The following SPTAN1 variants were observed in gnomAD, a reference collection of about 807,000 sequenced individuals.
The protein encoded by SPTAN1 is spectrin alpha chain, non-erythrocytic 1.
In SPTAN1, 61 loss-of-function variants were observed where a neutral mutation model predicts 331.3. That is an observed-to-expected ratio of 0.18 (90% CI 0.15 to 0.23). SPTAN1 has a LOEUF of 0.23. Ranked by LOEUF, SPTAN1 falls within the 10% of genes least tolerant of loss-of-function variation. SPTAN1 has a pLI of 1.00. For missense variants in SPTAN1, 2,043 were observed against 3,147.9 expected (o/e 0.65, Z 8.40); for synonymous variants, 1,153 against 1,173.9 (o/e 0.98, Z 0.36).
Position 128,607,499 on chromosome 9 carries a change from A to G in SPTAN1, c.4047-105A>G, listed in dbSNP as rs898578443. ...TCATTCAGTAGATCAGATTAACCCAAGATAACTTTCTGAGGCAAGAATTAT... is the reference window on the plus strand; with the variant it reads ...TCATTCAGTAGATCAGATTAACCCAGGATAACTTTCTGAGGCAAGAATTAT... On this transcript the variant is annotated intron_variant, in intron 31 of 56. Transcript: ENST00000372739. 3.0e-6 allele frequency: 3 copies of G among 1,012,562 alleles called. No homozygotes were observed. The African/African-American group carries it at 4.7e-5, about 16-fold the overall frequency. The allele number at this position is 1,012,562 out of a possible 1,614,324, so 62.7% of individuals were successfully genotyped here.
At chr9:128,606,657 AT>A (rs146442842) in intron 31 of SPTAN1, among the ~76,000 whole-genome samples, 1 of 150,606 alleles carries the variant, frequency 6.6e-6, no homozygotes, top group African/African-American at 2.4e-5. Flanking sequence ...CTAATTTTGT[AT>A]TTTTTTTAGT....
rs367772623 is a variant in SPTAN1 at position 128,608,918 on chromosome 9, C to T, written c.4536C>T (p.Ile1512=). 501 of 1,614,204 alleles carry T rather than the reference C, an allele frequency of 3.1e-4. No homozygotes were observed. The highest frequency in any genetic ancestry group is 4.8e-4 in the Admixed American group (29 of 60,032). Residue 1512 remains isoleucine, a synonymous_variant, in exon 35 of 57, where the codon ATC becomes ATT. Coordinates refer to ENST00000372739, the MANE Select transcript of SPTAN1 (RefSeq NM_001130438.3). ...AALQAFADQL[I]AAGHYAKGDI... is the part of the protein sequence containing the mutation. ...TGCAGGCCTTTGCCGACCAGCTCAT[C>T]GCTGCCGGCCATTATGCCAAGGGAG...
chr9:128,609,977 A>G (rs918146153), intron 37 of SPTAN1, among the ~76,000 whole-genome samples: 3 of 152,180 alleles, frequency 2.0e-5, no homozygotes, highest in Admixed American at 2.0e-4. Context: ...CCTTTTGAAG[A>G]TGGAACATCA....
At chr9:128,579,217 C>T (rs1464534108) in intron 9 of SPTAN1, among the ~76,000 whole-genome samples, 5 of 151,650 alleles carry the variant, frequency 3.3e-5, no homozygotes, top group Non-Finnish European at 7.4e-5. Context: ...AAGCTGATTC[C>T]AAAACTGATT....
At chr9:128,569,354 C>T (rs1455617629) in intron 3 of SPTAN1, among the ~76,000 whole-genome samples, 1 of 151,890 alleles carries the variant, frequency 6.6e-6, no homozygotes, top group Non-Finnish European at 1.5e-5. Flanking sequence ...TGTTAAAGCT[C>T]CAGCTCTAAG....
In SPTAN1 at chr9:128,577,081, C is replaced by G; in HGVS notation, c.786-48C>G. 2 of 1,613,904 alleles carry G rather than the reference C, an allele frequency of 1.2e-6. No homozygotes were observed. The highest frequency in any genetic ancestry group is 8.5e-7 in the Non-Finnish European group (1 of 1,179,976). ...TTGGTCCCATGGGGTGTTCCTAGTT[C>G]TAGGGAGTCATCATTGCTGTGGATT... is the stretch of plus-strand genomic sequence containing the variant. On this transcript the variant is annotated intron_variant, in intron 6 of 56. Coordinates refer to ENST00000372739, the MANE Select transcript of SPTAN1 (RefSeq NM_001130438.3). The surrounding 1 kb of genome is among the most constrained non-coding windows in gnomAD (Gnocchi z 4.2).
In SPTAN1 at chr9:128,581,771, C is replaced by T. The variant is rs976148386; in HGVS notation, c.1462-11C>T. ...GGACATTATTCTGAACACTTTGTTTCCTTTGGCAAGGCGTTCCTGTTGAAT... is the reference window on the plus strand; with the variant it reads ...GGACATTATTCTGAACACTTTGTTTTCTTTGGCAAGGCGTTCCTGTTGAAT... On this transcript the variant is annotated splice_polypyrimidine_tract_variant and intron_variant, in intron 11 of 56. Coordinates refer to ENST00000372739, the MANE Select transcript of SPTAN1 (RefSeq NM_001130438.3). 6.9e-6 allele frequency: 11 copies of T among 1,605,208 alleles called. No individual in the cohort carries two copies. The highest frequency in any genetic ancestry group is 9.4e-6 in the Non-Finnish European group (11 of 1,171,996).
rs116789302 is a variant in SPTAN1, at chr9:128,572,977, C to T, written c.364-1698C>T. On this transcript the variant is annotated intron_variant, in intron 3 of 56. Coordinates refer to ENST00000372739, the MANE Select transcript of SPTAN1 (RefSeq NM_001130438.3). Reference sequence around the variant, plus strand: ...TGCTGCTTTCTCCTTTCAAGTAAAACATCCACACTTGTTTCTAAGAGAATC... The same window carrying T: ...TGCTGCTTTCTCCTTTCAAGTAAAATATCCACACTTGTTTCTAAGAGAATC... Among the ~76,000 whole-genome samples the T allele has an allele frequency of 4.6e-3, 706 of 152,306 alleles. 12 individuals carry two copies. Among genetic ancestry groups the T allele is most frequent in the African/African-American group, 0.016 (673 of 41,558 alleles).
At chr9:128,598,802 TTTATATATAAATAC>T (rs1854658459) in intron 25 of SPTAN1, 147 bp from the exon 26 acceptor site, 2 of 700,816 alleles carry the variant, frequency 2.9e-6, no homozygotes, top group Admixed American at 5.0e-5. Flanking sequence ...AAAGAAAAAG[TTTATATATAAATAC>T]TTGAAGCTCT....
At chr9:128,583,707 C>A in intron 15 of SPTAN1, 81 bp from the exon 16 acceptor site, 1 of 1,470,038 alleles carries the variant, frequency 6.8e-7, no homozygotes, top group Non-Finnish European at 9.5e-7. Context: ...TAGTCCTTCA[C>A]TAAGATACTA....
chr9:128,577,570 C>T lies in SPTAN1; in HGVS notation c.1085+64C>T. 6.2e-7 allele frequency: 1 copy of T among 1,602,124 alleles called. No individual in the cohort carries two copies. The highest frequency in any genetic ancestry group is 8.5e-7 in the Non-Finnish European group (1 of 1,172,550). Reference sequence around the variant, plus strand: ...GCTTCTTTTTTGGAAGCAGGAATAGCAGAGTTAAGGGTCTGTTCTGTGTTC... The same window carrying T: ...GCTTCTTTTTTGGAAGCAGGAATAGTAGAGTTAAGGGTCTGTTCTGTGTTC... On this transcript the variant is annotated intron_variant, in intron 8 of 56. Transcript: ENST00000372739. This position sits in a 1 kb window ranked among gnomAD's most constrained non-coding sequence, Gnocchi z 4.2.
Position 128,587,670 on chromosome 9 carries a change from C to G in SPTAN1, c.2843C>G (p.Ala948Gly). The G allele has an allele frequency of 1.2e-6, 2 of 1,614,036 alleles. No individual in the cohort carries two copies. Among genetic ancestry groups the G allele is most frequent in the Non-Finnish European group, 1.7e-6 (2 of 1,179,996 alleles). ...DLSAYGSSIQ[A>G]LREQAQSCRQ... ...AGTGCCTACGGCAGCAGCATCCAGG[C>G]TTTGCGAGAACAAGCACAGTCCTGC... Residue 948 changes from alanine (A) to glycine (G), a missense_variant, in exon 20 of 57, where the codon GCT becomes GGT. By Grantham distance (60) the Ala-to-Gly change is moderately conservative. This residue lies in a region of SPTAN1 where 1,038 missense variants were observed against 1,531.5 expected (regional missense o/e 0.68). Coordinates refer to ENST00000372739, the MANE Select transcript of SPTAN1 (RefSeq NM_001130438.3).
chr9:128,570,326 ATATATTT>A (rs1203085928), intron 3 of SPTAN1, among the ~76,000 whole-genome samples: 28 of 43,116 alleles, frequency 6.5e-4, no homozygotes, highest in African/African-American at 2.9e-3. Flanking sequence ...ATATATATAT[ATATATTT>A]TTTTTTTTTT....
chr9:128,566,328 T>G (rs972640044), intron 1 of SPTAN1, among the ~76,000 whole-genome samples: 19 of 152,138 alleles, frequency 1.2e-4, no homozygotes, highest in African/African-American at 4.6e-4. Context: ...AGTGTTGGGA[T>G]TACAAGTGTG....
At position 128,558,875 on chromosome 9, in the gene SPTAN1, T is replaced by C. The variant is rs189060902; in HGVS notation, c.-4+6179T>C. On this transcript the variant is annotated intron_variant, in intron 1 of 56. Transcript: ENST00000372739. ...GGATGGCAGGAATTCTTAATGATATTTATGAGAATTTTCCTGTGTTTAATG... is the reference window on the plus strand; with the variant it reads ...GGATGGCAGGAATTCTTAATGATATCTATGAGAATTTTCCTGTGTTTAATG... 2.4e-3 allele frequency among the ~76,000 whole-genome samples: 360 copies of C among 152,286 alleles called. 1 individual carries two copies. The highest frequency in any genetic ancestry group is 4.4e-3 in the Non-Finnish European group (302 of 68,018).
At chr9:128,612,314 A>G in intron 39 of SPTAN1, 68 bp downstream of exon 39, 1 of 1,605,238 alleles carries the variant, frequency 6.2e-7, no homozygotes, top group Non-Finnish European at 8.5e-7. Context: ...TGGGTCCATC[A>G]GTGCCCAAAA....
At chr9:128,565,163 C>T (rs564024771) in intron 1 of SPTAN1, among the ~76,000 whole-genome samples, 7 of 152,026 alleles carry the variant, frequency 4.6e-5, no homozygotes, top group African/African-American at 1.2e-4. Flanking sequence ...ATTAGCTGGG[C>T]GTGGTGGTGC....
At chr9:128,619,542 T>A (rs1017763754) in intron 44 of SPTAN1, among the ~76,000 whole-genome samples, 2 of 152,234 alleles carry the variant, frequency 1.3e-5, no homozygotes, top group Non-Finnish European at 2.9e-5. Flanking sequence ...TGTCTTCACG[T>A]AGCCATCTTC....
At chr9:128,626,215 A>C (rs187278754) in intron 48 of SPTAN1, 176 bp from the exon 49 acceptor site, 1 of 992,610 alleles carries the variant, frequency 1.0e-6, no homozygotes, top group Non-Finnish European at 1.5e-6. Flanking sequence ...AGGAAGGGGA[A>C]AAAAGGCTGG....
Sources: allele counts gnomAD v4.1 joint callset (sites outside exome capture counted in the v4.1 genomes callset), GRCh38; gene constraint gnomAD v4.1.1; regional missense constraint gnomAD v4.1.1; non-coding constraint Gnocchi (gnomAD v3.1); transcripts MANE v1.5; gene names NCBI Gene and HGNC (gene_info 2026-07-23, HGNC 2026-07-21).